Variants in HMGCLL1 observed in about 807,000 individuals in gnomAD.
The protein encoded by HMGCLL1 is 3-hydroxymethyl-3-methylglutaryl-CoA lyase, cytoplasmic.
HMGCLL1 carries 36 observed loss-of-function variants against 39.1 expected under a neutral mutation model. The ratio of observed to expected loss-of-function variants is 0.92; its 90% confidence interval spans 0.71 to 1.22. The LOEUF (loss-of-function observed/expected upper bound fraction) is 1.22. Among genes scored for constraint, HMGCLL1 ranks in the 50% most tolerant of loss-of-function variants. The pLI, the probability that HMGCLL1 is intolerant of heterozygous loss-of-function variation, is 0.00. For missense variants in HMGCLL1, 451 were observed against 416.5 expected, an observed-to-expected ratio of 1.08 and a Z score of -0.72; for synonymous variants, 149 against 144.0, an observed-to-expected ratio of 1.03 and a Z score of -0.25.
chr6:55,596,900 T>C, the HMGCLL1 span, among the ~76,000 whole-genome samples: 2 of 152,128 alleles, frequency 1.3e-5, no homozygotes, highest in African/African-American at 2.4e-5. Flanking sequence ...TGAAGGATGC[T>C]AAAATATATA....
chr6:55,590,574 C>G, the HMGCLL1 span, among the ~76,000 whole-genome samples: 3 of 151,714 alleles, frequency 2.0e-5, no homozygotes, highest in Non-Finnish European at 4.4e-5. Context: ...ACTAAAGAGC[C>G]TCTGCACAGC....
At chr6:55,515,245 C>T (rs1451783379) in intron 4 of HMGCLL1, among the ~76,000 whole-genome samples, 2 of 134,054 alleles carry the variant, frequency 1.5e-5, no homozygotes, top group Non-Finnish European at 3.2e-5. Flanking sequence ...GAGCAAAGCT[C>T]CATCTCAGAA....
At chr6:55,597,468 A>T in the HMGCLL1 span, among the ~76,000 whole-genome samples, 1 of 152,102 alleles carries the variant, frequency 6.6e-6, no homozygotes, top group East Asian at 1.9e-4. Flanking sequence ...TAAAAAGGAT[A>T]CAGAAGTTGA....
At chr6:55,674,717 A>G in the HMGCLL1 span, among the ~76,000 whole-genome samples, 6 of 152,114 alleles carry the variant, frequency 3.9e-5, no homozygotes, top group Admixed American at 6.6e-5. Flanking sequence ...AGCAAGGGTA[A>G]TAGGACCTGT....
chr6:55,644,437 T>C, the HMGCLL1 span, among the ~76,000 whole-genome samples: 1 of 152,022 alleles, frequency 6.6e-6, no homozygotes, highest in African/African-American at 2.4e-5. Context: ...CTTGATTGCC[T>C]GTGCTTGTGG....
At chr6:55,515,973 T>C (rs1035353967) in intron 4 of HMGCLL1, among the ~76,000 whole-genome samples, 1 of 151,980 alleles carries the variant, frequency 6.6e-6, no homozygotes. Flanking sequence ...ATATGTATAA[T>C]TATTAAAGCT....
chr6:55,542,244 G>T (rs990645573), intron 1 of HMGCLL1, 104 bp from the exon 2 acceptor site: 7 of 595,844 alleles, frequency 1.2e-5, no homozygotes, highest in Non-Finnish European at 2.0e-5. Context: ...TTACCCCAGA[G>T]AATTAAAATA....
chr6:55,654,116 C>T, the HMGCLL1 span, among the ~76,000 whole-genome samples: 1 of 151,794 alleles, frequency 6.6e-6, no homozygotes, highest in Non-Finnish European at 1.5e-5. Context: ...AACATAAGGC[C>T]AACCACCTAA....
intron 4 of HMGCLL1, 102 bp from the exon 5 acceptor site, chr6:55,514,298 T>C: frequency 2.5e-6 from 2 of 784,838 alleles, no homozygotes; most frequent in South Asian, 4.2e-5. Context: ...ACATGTATTC[T>C]TTAATATTTG....
At chr6:55,580,139 C>T (rs998353203), upstream of HMGCLL1, among the ~76,000 whole-genome samples, 1 of 151,796 alleles carries the variant, frequency 6.6e-6, no homozygotes, top group Non-Finnish European at 1.5e-5. Context: ...CGATGCACAC[C>T]GTAGTATAAA....
chr6:55,436,590 G>T (rs773964705), intron 8 of HMGCLL1, among the ~76,000 whole-genome samples: 2 of 152,068 alleles, frequency 1.3e-5, no homozygotes, highest in Non-Finnish European at 2.9e-5. Context: ...AAGCTTCTAT[G>T]TTCCCCCTCA....
the HMGCLL1 span, among the ~76,000 whole-genome samples, chr6:55,597,486 G>A: frequency 6.6e-6 from 1 of 151,134 alleles, no homozygotes; most frequent in Admixed American, 6.6e-5. Context: ...TGATAAGAGG[G>A]AATTGAAGTA....
At chr6:55,497,820 C>A (rs1766654400) in intron 6 of HMGCLL1, among the ~76,000 whole-genome samples, 1 of 152,064 alleles carries the variant, frequency 6.6e-6, no homozygotes, top group African/African-American at 2.4e-5. Flanking sequence ...GGCTTCCAGG[C>A]AGCTGACATA....
At chr6:55,596,594 G>A in the HMGCLL1 span, among the ~76,000 whole-genome samples, 1 of 152,176 alleles carries the variant, frequency 6.6e-6, no homozygotes, top group African/African-American at 2.4e-5. Context: ...ACTCAGTTGA[G>A]CTACGCCTAA....
chr6:55,615,804 T>G, the HMGCLL1 span, among the ~76,000 whole-genome samples: 1 of 152,190 alleles, frequency 6.6e-6, no homozygotes, highest in South Asian at 2.1e-4. Flanking sequence ...AACAGAAGAC[T>G]GAAAGCTTAT....
intron 1 of HMGCLL1, chr6:55,563,772 C>A: frequency 1.4e-6 from 1 of 725,132 alleles, no homozygotes; most frequent in Non-Finnish European, 2.1e-6. Context: ...ATATTTTATT[C>A]TCCTTTCAAA....
chr6:55,582,221 G>C (rs1418055536), upstream of HMGCLL1, among the ~76,000 whole-genome samples: 1 of 152,114 alleles, frequency 6.6e-6, no homozygotes. Flanking sequence ...ATGTGTAAAA[G>C]GGTGACAATA....
intron 7 of HMGCLL1, among the ~76,000 whole-genome samples, chr6:55,490,893 A>ATT (rs150751952): frequency 6.7e-5 from 10 of 149,838 alleles, no homozygotes; most frequent in African/African-American, 2.4e-4. Context: ...ATGTATACCC[A>ATT]TTTTTTTTTT....
At chr6:55,623,342 G>A in the HMGCLL1 span, among the ~76,000 whole-genome samples, 3 of 151,804 alleles carry the variant, frequency 2.0e-5, no homozygotes, top group Admixed American at 6.6e-5. Context: ...TTGTTAGGTT[G>A]TTTATTTGAA....
Sources: allele counts gnomAD v4.1 joint callset (sites outside exome capture counted in the v4.1 genomes callset), GRCh38; gene constraint gnomAD v4.1.1; transcripts MANE v1.5; gene names NCBI Gene and HGNC (gene_info 2026-07-23, HGNC 2026-07-21).